Variants in OLFM3 observed in about 807,000 individuals in gnomAD.
OLFM3 encodes the protein olfactomedin 3.
A neutral mutation model predicts 48.6 loss-of-function variants in OLFM3; 20 were observed. The observed-to-expected ratio is 0.41, with a 90% CI of 0.29 to 0.60. The LOEUF (loss-of-function observed/expected upper bound fraction) is 0.60. Among genes scored for constraint, OLFM3 ranks in the 20% least tolerant of loss-of-function variants. The probability of loss-of-function intolerance (pLI) is 0.28; values close to 1 mark genes in which losing one functional copy is unlikely to be tolerated. For missense variants in OLFM3, 437 were observed against 544.3 expected, an observed-to-expected ratio of 0.80 and a Z score of 1.96; for synonymous variants, 222 against 198.1, an observed-to-expected ratio of 1.12 and a Z score of -1.01.
At chr1:101,996,594 T>C (rs1443792227) in intron 1 of OLFM3, among the ~76,000 whole-genome samples, 154 bp downstream of exon 1, 1 of 152,100 alleles carries the variant, frequency 6.6e-6, no homozygotes, top group East Asian at 1.9e-4. Flanking sequence ...TAGTTCACCT[T>C]GTTATGTTCC....
intron 1 of OLFM3, among the ~76,000 whole-genome samples, chr1:101,911,811 C>T (rs1658768749): frequency 6.6e-6 from 1 of 152,130 alleles, no homozygotes; most frequent in South Asian, 2.1e-4. Flanking sequence ...TGAATACAGG[C>T]ATTTATATGA....
chr1:101,949,583 CA>C (rs1399978675), intron 1 of OLFM3, among the ~76,000 whole-genome samples: 4 of 152,056 alleles, frequency 2.6e-5, no homozygotes, highest in Non-Finnish European at 5.9e-5. Flanking sequence ...TCCAGAGTAG[CA>C]AGAGTGACCT....
intron 2 of OLFM3, among the ~76,000 whole-genome samples, chr1:101,835,742 G>A (rs910736035): frequency 6.6e-6 from 1 of 152,142 alleles, no homozygotes; most frequent in African/African-American, 2.4e-5. Context: ...CATAAAAGGA[G>A]GCTTAAGAAG....
intron 2 of OLFM3, among the ~76,000 whole-genome samples, chr1:101,832,190 A>T (rs2039942): frequency 0.61 from 93,254 of 151,988 alleles, 30,676 homozygotes; most frequent in Non-Finnish European, 0.74. Context: ...CGTCCAGCCA[A>T]TCTGTTTATT....
At chr1:101,856,047 G>T (rs901113723) in intron 1 of OLFM3, among the ~76,000 whole-genome samples, 3 of 152,006 alleles carry the variant, frequency 2.0e-5, no homozygotes, top group Admixed American at 1.3e-4. Context: ...GATTACATCT[G>T]TAGTCTGCTT....
intron 1 of OLFM3, among the ~76,000 whole-genome samples, chr1:101,956,195 T>C (rs1468614400): frequency 1.3e-5 from 2 of 151,280 alleles, no homozygotes; most frequent in Non-Finnish European, 1.5e-5. Flanking sequence ...AGTGCTACCA[T>C]AGCAATCTTA....
At chr1:101,941,603 G>A (rs886698970) in intron 1 of OLFM3, among the ~76,000 whole-genome samples, 2 of 152,036 alleles carry the variant, frequency 1.3e-5, no homozygotes, top group South Asian at 2.1e-4. Context: ...TAAAAGGAAG[G>A]GAAATCTAGA....
chr1:101,948,366 T>C (rs1660021888), intron 1 of OLFM3, among the ~76,000 whole-genome samples: 1 of 152,120 alleles, frequency 6.6e-6, no homozygotes. Flanking sequence ...CTTCATTCCT[T>C]TTCTTACCAA....
chr1:101,871,459 T>A (rs1277289336), intron 1 of OLFM3, among the ~76,000 whole-genome samples: 1 of 152,094 alleles, frequency 6.6e-6, no homozygotes, highest in Non-Finnish European at 1.5e-5. Context: ...GTAAATTGTG[T>A]AAAAATATTG....
intron 1 of OLFM3, among the ~76,000 whole-genome samples, chr1:101,887,030 T>G (rs1353131895): frequency 6.6e-6 from 1 of 152,094 alleles, no homozygotes; most frequent in Non-Finnish European, 1.5e-5. Flanking sequence ...AACAATTAGC[T>G]AATACTCTGT....
chr1:101,863,554 T>G (rs889180116), intron 1 of OLFM3, among the ~76,000 whole-genome samples: 2 of 152,174 alleles, frequency 1.3e-5, no homozygotes, highest in Non-Finnish European at 2.9e-5. Flanking sequence ...CTTACTAGAC[T>G]CAGTACAGAA....
chr1:101,845,557 A>C (rs1655954095), intron 1 of OLFM3, among the ~76,000 whole-genome samples: 1 of 152,186 alleles, frequency 6.6e-6, no homozygotes, highest in Admixed American at 6.5e-5. Flanking sequence ...ACATTGAAAA[A>C]AAAATTGGCT....
At chr1:101,899,553 T>C (rs1658321768) in intron 1 of OLFM3, among the ~76,000 whole-genome samples, 1 of 152,180 alleles carries the variant, frequency 6.6e-6, no homozygotes, top group Non-Finnish European at 1.5e-5. Context: ...ATTTGGGAGA[T>C]AGTGTAGAAA....
At chr1:101,857,207 C>G (rs1656458784) in intron 1 of OLFM3, among the ~76,000 whole-genome samples, 1 of 151,792 alleles carries the variant, frequency 6.6e-6, no homozygotes, top group Admixed American at 6.6e-5. Flanking sequence ...TGATATTTAC[C>G]TAGAACATAA....
intron 1 of OLFM3, among the ~76,000 whole-genome samples, chr1:101,868,865 G>A (rs1459837556): frequency 2.0e-5 from 3 of 152,224 alleles, no homozygotes; most frequent in Non-Finnish European, 4.4e-5. Context: ...AGCTCAGGCT[G>A]TTGCTTCAGA....
At chr1:101,928,953 T>C (rs1422152784) in intron 1 of OLFM3, among the ~76,000 whole-genome samples, 1 of 152,052 alleles carries the variant, frequency 6.6e-6, no homozygotes, top group Non-Finnish European at 1.5e-5. Context: ...CTATAATCCA[T>C]TGTTCTTACG....
rs191979220 is a variant in OLFM3, at chr1:101,829,913, C to T, written c.372+759G>A. 4.1e-3 allele frequency among the ~76,000 whole-genome samples: 619 copies of T among 152,000 alleles called. 1 individual carries two copies. The highest frequency in any genetic ancestry group is 6.8e-3 in the Middle Eastern group (2 of 294). On this transcript the variant is annotated intron_variant, in intron 3 of 5. Transcript: ENST00000370103. ...GCAGTGGCGCTGTCTCGGCTCACTG[C>T]AAGCTCCGCCTCCCAGGTTCACGCC...
chr1:101,926,351 TCTTAA>T (rs911511659), intron 1 of OLFM3, among the ~76,000 whole-genome samples: 77 of 152,306 alleles, frequency 5.1e-4, no homozygotes, highest in African/African-American at 1.7e-3. Context: ...CACTATCTTG[TCTTAA>T]CTTTGACAGT....
intron 1 of OLFM3, among the ~76,000 whole-genome samples, chr1:101,892,805 C>A (rs953879927): frequency 4.6e-5 from 7 of 152,056 alleles, no homozygotes; most frequent in Admixed American, 1.3e-4. Context: ...GGCTGGCAAA[C>A]AGGCTCTTTC....
Sources: gnomAD v4.1 joint callset for allele counts (sites outside exome capture counted in the v4.1 genomes callset) on GRCh38, gnomAD v4.1.1 for gene constraint, MANE v1.5 for transcripts, NCBI Gene and HGNC (gene_info 2026-07-23, HGNC 2026-07-21) for gene names.